The following NRXN3 variants were observed in gnomAD, a reference collection of about 807,000 sequenced individuals.
The protein encoded by NRXN3 is neurexin III.
In NRXN3, 32 loss-of-function variants were observed where a neutral mutation model predicts 137.6. The ratio of observed to expected loss-of-function variants is 0.23; its 90% CI spans 0.18 to 0.31. The LOEUF (loss-of-function observed/expected upper bound fraction) is 0.31, where lower values mean the gene tolerates loss of function less well. Ranked by LOEUF, NRXN3 falls within the 10% of genes least tolerant of loss-of-function variation. The probability of loss-of-function intolerance (pLI) is 1.00; values close to 1 mark genes in which losing one functional copy is unlikely to be tolerated. For synonymous variants in NRXN3, 798 were observed against 784.5 expected (o/e 1.02, Z -0.29); for missense variants, 1,574 against 2,062.5 (o/e 0.76, Z 4.59).
At chr14:79,531,757 G>T (rs1275895483) in intron 16 of NRXN3, among the ~76,000 whole-genome samples, 1 of 152,190 alleles carries the variant, frequency 6.6e-6, no homozygotes, top group African/African-American at 2.4e-5. Context: ...TTTGGGAGCA[G>T]AAGTAACTAG....
chr14:79,095,148 G>C (rs1345833539), intron 15 of NRXN3, among the ~76,000 whole-genome samples: 1 of 152,106 alleles, frequency 6.6e-6, no homozygotes, highest in Admixed American at 6.6e-5. Flanking sequence ...GTCCTCTGTT[G>C]TATGCTTCTG....
At chr14:79,127,160 G>A (rs1433524503) in intron 15 of NRXN3, among the ~76,000 whole-genome samples, 1 of 152,186 alleles carries the variant, frequency 6.6e-6, no homozygotes, top group East Asian at 1.9e-4. Flanking sequence ...CTTTTGCTGT[G>A]CAGAAGCTCT....
intron 19 of NRXN3, among the ~76,000 whole-genome samples, chr14:79,749,678 C>A (rs568979598): frequency 5.8e-4 from 88 of 152,234 alleles, no homozygotes; most frequent in African/African-American, 2.1e-3. Context: ...TGTCACCAAT[C>A]TGGGAAGCCT....
At chr14:78,476,024 A>C (rs2095371649) in intron 4 of NRXN3, among the ~76,000 whole-genome samples, 1 of 152,252 alleles carries the variant, frequency 6.6e-6, no homozygotes, top group Admixed American at 6.5e-5. Context: ...AGAAGAATAA[A>C]GCAAGGGAGG....
At position 79,280,537 on chromosome 14, in the gene NRXN3, C is replaced by A; in HGVS notation, c.3263-186684C>A. 4.3e-6 allele frequency: 7 copies of A among 1,610,088 alleles called. No individual in the cohort carries two copies. In the South Asian group the frequency reaches 7.7e-5, roughly 18 times the overall value. On this transcript the variant is annotated intron_variant, in intron 15 of 20. Transcript: ENST00000335750. Reference sequence around the variant, plus strand: ...CCCCTGTTTCCCTTCGAGGAGGACACGGTAGGTCTCTCTGCTCTTTATCCT... The same window carrying A: ...CCCCTGTTTCCCTTCGAGGAGGACAAGGTAGGTCTCTCTGCTCTTTATCCT...
intron 16 of NRXN3, among the ~76,000 whole-genome samples, chr14:79,591,587 T>C (rs1250199278): frequency 6.6e-6 from 1 of 152,216 alleles, no homozygotes; most frequent in Non-Finnish European, 1.5e-5. Context: ...AATTTGAGCA[T>C]TGAAACTAGC....
chr14:78,428,044 C>G (rs765567569), intron 4 of NRXN3, among the ~76,000 whole-genome samples: 3 of 152,052 alleles, frequency 2.0e-5, no homozygotes, highest in Non-Finnish European at 2.9e-5. Context: ...CTCTTGATGA[C>G]CTCAGTTTTC....
In NRXN3 at chr14:79,762,467, CTT is replaced by C. The variant is rs58650846; in HGVS notation, c.4015-42635_4015-42634del. Among the ~76,000 whole-genome samples, 12 of 148,200 alleles carry C rather than the reference CTT, an allele frequency of 8.1e-5. No homozygotes were observed. The South Asian group carries it at 1.5e-3, about 18-fold the overall frequency. On this transcript the variant is annotated intron_variant, in intron 19 of 20. Coordinates refer to ENST00000335750, the MANE Select transcript of NRXN3 (RefSeq NM_001330195.2). Reference sequence around the variant, plus strand: ...AGCTTTCAGAGATTTCCTGGCTTCACTTTTTTTTTTTCAATTTAATAAATTTT... The same window carrying C: ...AGCTTTCAGAGATTTCCTGGCTTCACTTTTTTTTTCAATTTAATAAATTTT...
intron 16 of NRXN3, among the ~76,000 whole-genome samples, chr14:79,616,997 G>C (rs1043357145): frequency 6.6e-6 from 1 of 151,960 alleles, no homozygotes; most frequent in Non-Finnish European, 1.5e-5. Context: ...ACCAAGTCCT[G>C]ATCTCATAGG....
At position 79,191,514 on chromosome 14, in the gene NRXN3, A is replaced by C. The variant is rs187925846; in HGVS notation, c.3262+203373A>C. On this transcript the variant is annotated intron_variant, in intron 15 of 20. Transcript: ENST00000335750. ...TTCTTGCATAACTATGTTCCCACTT[A>C]CATTGGGGTCTTGGCATAATTTGTC... Among the ~76,000 whole-genome samples, 11 of 152,324 alleles carry C rather than the reference A, an allele frequency of 7.2e-5. No homozygotes were observed. In the East Asian group the frequency reaches 1.9e-3, roughly 27 times the overall value.
chr14:78,312,678 G>T (rs1353077069), intron 4 of NRXN3, among the ~76,000 whole-genome samples: 1 of 151,734 alleles, frequency 6.6e-6, no homozygotes, highest in Non-Finnish European at 1.5e-5. Context: ...GTTCTACCAT[G>T]TGTCTGATGG....
intron 4 of NRXN3, among the ~76,000 whole-genome samples, chr14:78,441,739 G>A (rs1319588508): frequency 3.3e-5 from 5 of 152,182 alleles, no homozygotes; most frequent in Non-Finnish European, 5.9e-5. Context: ...TAAGGATCTT[G>A]AGAAGATGGA....
chr14:79,221,825 C>T (rs1170569855), intron 15 of NRXN3, among the ~76,000 whole-genome samples: 1 of 152,092 alleles, frequency 6.6e-6, no homozygotes. Flanking sequence ...GAAGTCTTTG[C>T]CCATGCCTAT....
chr14:79,390,800 T>A (rs1706135579), intron 15 of NRXN3, among the ~76,000 whole-genome samples: 1 of 152,190 alleles, frequency 6.6e-6, no homozygotes, highest in Non-Finnish European at 1.5e-5. Context: ...TATTGGAGAC[T>A]TAATCCTCAA....
intron 2 of NRXN3, among the ~76,000 whole-genome samples, chr14:78,260,908 G>A (rs993569151): frequency 1.3e-5 from 2 of 152,152 alleles, no homozygotes; most frequent in Admixed American, 1.3e-4. Context: ...TAATAATAAT[G>A]ACAGTTAACT....
chr14:78,399,518 T>C (rs2091847223), intron 4 of NRXN3, among the ~76,000 whole-genome samples: 1 of 152,212 alleles, frequency 6.6e-6, no homozygotes, highest in Non-Finnish European at 1.5e-5. Flanking sequence ...TGGACTCTCC[T>C]TAAAGCTCTC....
chr14:79,150,868 A>G (rs1400348175), intron 15 of NRXN3, among the ~76,000 whole-genome samples: 1 of 152,092 alleles, frequency 6.6e-6, no homozygotes, highest in Non-Finnish European at 1.5e-5. Flanking sequence ...GCTGCATGGC[A>G]GCCATTATTG....
chr14:78,752,222 C>T (rs908351284), intron 8 of NRXN3, among the ~76,000 whole-genome samples: 13 of 152,164 alleles, frequency 8.5e-5, no homozygotes, highest in Admixed American at 8.5e-4. Context: ...GCCTGGGCAA[C>T]AGGGTGAAAC....
chr14:79,398,304 A>T (rs2095085110), intron 15 of NRXN3, among the ~76,000 whole-genome samples: 1 of 152,158 alleles, frequency 6.6e-6, no homozygotes, highest in African/African-American at 2.4e-5. Flanking sequence ...CAGACCTAGG[A>T]TCCTCTTAGA....
Sources: allele counts gnomAD v4.1 joint callset (sites outside exome capture counted in the v4.1 genomes callset), GRCh38; gene constraint gnomAD v4.1.1; transcripts MANE v1.5; gene names NCBI Gene and HGNC (gene_info 2026-07-23, HGNC 2026-07-21).